TEDC2: variants seen among roughly 807,000 people sequenced by gnomAD.
TEDC2 encodes tubulin epsilon and delta complex protein 2.
A neutral mutation model predicts 48.1 loss-of-function variants in TEDC2; 49 were observed. The observed-to-expected ratio is 1.02, with a 90% CI of 0.81 to 1.29. TEDC2 has a LOEUF of 1.29. TEDC2 is among the 50% of genes most tolerant of loss of function. The pLI is 0.00. For missense variants in TEDC2, 631 were observed against 571.4 expected, an observed-to-expected ratio of 1.10 and a Z score of -1.06; for synonymous variants, 299 against 247.1, an observed-to-expected ratio of 1.21 and a Z score of -1.97.
chr16:2,462,104 G>C (rs768746710), intron 5 of TEDC2, 45 bp from the exon 6 acceptor site: 1 of 1,586,202 alleles, frequency 6.3e-7, no homozygotes, highest in African/African-American at 1.3e-5. Context: ...TGGAATAACC[G>C]TGTCCCTCTG....
At chr16:2,460,514 C>T (rs2141837296) in intron 2 of TEDC2, 109 bp from the exon 3 acceptor site, 5 of 1,523,820 alleles carry the variant, frequency 3.3e-6, no homozygotes, top group South Asian at 1.2e-5. Flanking sequence ...CCCTCCTTAC[C>T]CTGCAGGCTC....
rs770395227 is a variant in TEDC2, at chr16:2,462,657, C to T, written c.889C>T (p.Arg297Cys). ...AAPMDWMQEY[R>C]CLLTLEGLQA... ...CCCCATGGACTGGATGCAGGAGTAC[C>T]GCTGCCTGCTCACGCTGGAGGGGCT... The change falls in exon 8 of 10, where the codon CGC (arginine) becomes TGC (cysteine). Residue 297 changes from arginine (R) to cysteine (C), a missense_variant. Physicochemically the swap from Arg to Cys is radical, Grantham distance 180 (BLOSUM62 -3). Coordinates refer to ENST00000361837, the MANE Select transcript of TEDC2 (RefSeq NM_025108.3). 6.7e-5 allele frequency: 103 copies of T among 1,548,068 alleles called. No individual in the cohort carries two copies. The African/African-American group carries it at 1.1e-3, about 16-fold the overall frequency.
rs1420070720 is a variant in TEDC2, at chr16:2,461,926, G to A, written c.659+126G>A. 18 of 1,308,604 alleles carry A rather than the reference G, an allele frequency of 1.4e-5. No homozygotes were observed. The Middle Eastern group carries it at 7.3e-4, about 53-fold the overall frequency. The allele number at this position is 1,308,604 out of a possible 1,614,324, so 81.1% of individuals were successfully genotyped here. Reference sequence around the variant, plus strand: ...CTCTTTGCTGAGTGGGATCACTGTCGATGTTAAAAATCTGCCAGCCGGTCA... The same window carrying A: ...CTCTTTGCTGAGTGGGATCACTGTCAATGTTAAAAATCTGCCAGCCGGTCA... On this transcript the variant is annotated intron_variant, in intron 5 of 9. Transcript: ENST00000361837.
At position 2,462,698 on chromosome 16, in the gene TEDC2, C is replaced by G; in HGVS notation, c.930C>G (p.Gly310=). ...LTLEGLQAMV[G]QCLHRLQELR... ...TGGAGGGGCTGCAGGCCATGGTGGG[C>G]CAGTGTCTGCACAGGCTGCAGGAGC... The change falls in exon 8 of 10, where the codon GGC becomes GGG. Residue 310 remains glycine, a synonymous_variant. Coordinates refer to ENST00000361837, the MANE Select transcript of TEDC2 (RefSeq NM_025108.3). 1.9e-6 allele frequency: 3 copies of G among 1,544,822 alleles called. No individual in the cohort carries two copies. The highest frequency in any genetic ancestry group is 2.6e-6 in the Non-Finnish European group (3 of 1,146,820).
In TEDC2 at chr16:2,464,616, G is replaced by T; in HGVS notation, c.1250G>T (p.Cys417Phe). The change falls in exon 10 of 10, where the codon TGC (cysteine) becomes TTC (phenylalanine). Residue 417 changes from cysteine to phenylalanine, a missense_variant. Transcript: ENST00000361837. The part of the protein sequence containing the change: ...ALCRAVHSLL[C>F]EGGARVLTIL... ...TGCCGGGCTGTGCACAGCCTGCTCT[G>T]CGAGGGAGGAGCACGTGTCCTTACC... The T allele has an allele frequency of 1.2e-6, 2 of 1,612,428 alleles. No homozygotes were observed. The highest frequency in any genetic ancestry group is 1.1e-5 in the South Asian group (1 of 91,082).
intron 4 of TEDC2, chr16:2,461,511 G>T: frequency 2.8e-5 from 18 of 638,888 alleles, no homozygotes; most frequent in Non-Finnish European, 4.8e-5. Context: ...GAGGGCGTGG[G>T]ATCTGCTCAC....
At position 2,461,938 on chromosome 16, in the gene TEDC2, C is replaced by T; in HGVS notation, c.659+138C>T. The T allele has an allele frequency of 2.4e-6, 3 of 1,259,302 alleles. No homozygotes were observed. The South Asian group carries it at 3.9e-5, about 16-fold the overall frequency. 78.0% of individuals were successfully genotyped at this position (1,259,302 alleles called of 1,614,324 possible). A position where few individuals can be genotyped will look rare whatever the true frequency, so the allele number is the denominator to read the frequency against. On this transcript the variant is annotated intron_variant, in intron 5 of 9. Coordinates refer to ENST00000361837, the MANE Select transcript of TEDC2 (RefSeq NM_025108.3). Reference sequence around the variant, plus strand: ...TGGGATCACTGTCGATGTTAAAAATCTGCCAGCCGGTCAGCTTTGTCCCCT... The same window carrying T: ...TGGGATCACTGTCGATGTTAAAAATTTGCCAGCCGGTCAGCTTTGTCCCCT...
chr16:2,464,356 TG>T (rs1370415221), intron 9 of TEDC2, 127 bp downstream of exon 9: 2 of 1,372,976 alleles, frequency 1.5e-6, no homozygotes, highest in Admixed American at 2.1e-5. Context: ...TCTGTGTGTG[TG>T]GGTTGGGAAG....
chr16:2,461,630 G>A, intron 4 of TEDC2, 117 bp from the exon 5 acceptor site: 2 of 1,258,212 alleles, frequency 1.6e-6, no homozygotes, highest in South Asian at 2.5e-5. Flanking sequence ...TCCTTGGTGG[G>A]GTCGGGTGTG....
At position 2,461,217 on chromosome 16, in the gene TEDC2, G is replaced by A. The variant is rs1285570248; in HGVS notation, c.598G>A (p.Glu200Lys). The A allele has an allele frequency of 6.8e-7, 1 of 1,473,790 alleles. No individual in the cohort carries two copies. Among genetic ancestry groups the A allele is most frequent in the African/African-American group, 1.4e-5 (1 of 70,528 alleles). The allele number at this position is 1,473,790 out of a possible 1,614,324, so 91.3% of individuals were successfully genotyped here. The change falls in exon 4 of 10, where the codon GAG becomes AAG. Residue 200 changes from glutamate (E) to lysine (K), a missense_variant. Transcript: ENST00000361837. ...GGCCCCAGAAGCCTTCACACTCAAG[G>A]AGAAGGGGTAGGTTTCCCGGACCCT... is the stretch of plus-strand genomic sequence containing the variant. ...PQAPEAFTLK[E>K]KGHLLRLPAA...
At chr16:2,460,789 T>A in intron 3 of TEDC2, 27 bp from the exon 4 acceptor site, 1 of 1,610,564 alleles carries the variant, frequency 6.2e-7, no homozygotes. Context: ...TGGGGAGAGA[T>A]CCCTGCATAA....
chr16:2,460,247 C>T (rs1236677992), intron 1 of TEDC2, 36 bp from the exon 2 acceptor site: 4 of 1,497,262 alleles, frequency 2.7e-6, no homozygotes, highest in Non-Finnish European at 3.5e-6. Context: ...AGGCCCGACG[C>T]TGGCCGAGGT....
Position 2,460,947 on chromosome 16 carries a change from T to A in TEDC2, c.328T>A (p.Ser110Thr). The change falls in exon 4 of 10, where the codon TCC becomes ACC. Residue 110 changes from serine to threonine, a missense_variant. Ser to Thr is a moderately conservative substitution (Grantham distance 58). Transcript: ENST00000361837. ...RDKAPSLKSR[S>T]IVTSSGTTAS... ...CAAGGCCCCCAGCCTGAAATCTAGG[T>A]CCATTGTCACCTCTTCTGGCACGAC... 1 of 1,613,406 alleles carries A rather than the reference T, an allele frequency of 6.2e-7. No homozygotes were observed. Among genetic ancestry groups the A allele is most frequent in the Non-Finnish European group, 8.5e-7 (1 of 1,179,974 alleles).
Position 2,462,749 on chromosome 16 carries a change from A to G in TEDC2, c.964+17A>G. ...TGCGTGCAGGTGAGACCCCGCCCCC[A>G]CCCTGCCACCTGCACTGAGGTCTGG... On this transcript the variant is annotated intron_variant, in intron 8 of 9. Transcript: ENST00000361837. 2 of 1,525,016 alleles carry G rather than the reference A, an allele frequency of 1.3e-6. No homozygotes were observed. Among genetic ancestry groups the G allele is most frequent in the Non-Finnish European group, 1.8e-6 (2 of 1,137,904 alleles). The allele number at this position is 1,525,016 out of a possible 1,614,324, so 94.5% of individuals were successfully genotyped here.
chr16:2,462,325 G>T, intron 6 of TEDC2, 86 bp downstream of exon 6: 3 of 1,599,424 alleles, frequency 1.9e-6, no homozygotes, highest in Non-Finnish European at 2.6e-6. Context: ...AGGGGCTGGC[G>T]TGGGATGGCC....
In TEDC2 at chr16:2,462,875, C is replaced by T. The variant is rs548925120; in HGVS notation, c.964+143C>T. On this transcript the variant is annotated intron_variant, in intron 8 of 9. Coordinates refer to ENST00000361837, the MANE Select transcript of TEDC2 (RefSeq NM_025108.3). ...TTGGTGGGCCCCTCCACCCCTCCCA[C>T]GCCACTCCCCAGTGTGCTGGGTCCT... 9.2e-5 allele frequency: 65 copies of T among 708,254 alleles called. 1 individual carries two copies. Among genetic ancestry groups the T allele is most frequent in the East Asian group, 7.8e-4 (28 of 36,122 alleles). The allele number at this position is 708,254 out of a possible 1,614,324, so 43.9% of individuals were successfully genotyped here. A position where few individuals can be genotyped will look rare whatever the true frequency, so the allele number is the denominator to read the frequency against.
intron 3 of TEDC2, 25 bp downstream of exon 3, chr16:2,460,718 C>G: frequency 6.2e-7 from 1 of 1,612,906 alleles, no homozygotes; most frequent in Non-Finnish European, 8.5e-7. Context: ...CCCGCCTTCT[C>G]CAGGTGCTGC....
At chr16:2,462,263 G>A (rs200072104) in intron 6 of TEDC2, 24 bp downstream of exon 6, 1 of 1,611,694 alleles carries the variant, frequency 6.2e-7, no homozygotes. Context: ...GCTTGTGGGA[G>A]CCCTGGGGGC....
In TEDC2 at chr16:2,461,426, A is replaced by C. The variant is rs2065466042; in HGVS notation, c.605+202A>C. ...GTTGGCACCATCAGGTCAGGGAAGTACTGGAGCCTGTCCTCCTCTCTTCTC... is the reference window on the plus strand; with the variant it reads ...GTTGGCACCATCAGGTCAGGGAAGTCCTGGAGCCTGTCCTCCTCTCTTCTC... On this transcript the variant is annotated intron_variant, in intron 4 of 9. Transcript: ENST00000361837. 9 of 719,198 alleles carry C rather than the reference A, an allele frequency of 1.3e-5. No individual in the cohort carries two copies. The Admixed American group carries it at 2.9e-4, about 23-fold the overall frequency. The allele number at this position is 719,198 out of a possible 1,614,324, so 44.6% of individuals were successfully genotyped here.
Sources: allele counts gnomAD v4.1 joint callset, GRCh38; gene constraint gnomAD v4.1.1; transcripts MANE v1.5; gene names NCBI Gene and HGNC (gene_info 2026-07-23, HGNC 2026-07-21).